GALNTL6: variants seen among roughly 807,000 people sequenced by gnomAD.
GALNTL6 encodes the protein polypeptide N-acetylgalactosaminyltransferase-like 6.
In GALNTL6, 46 loss-of-function variants were observed where a neutral mutation model predicts 73.7. The observed-to-expected ratio is 0.62, with a 90% CI of 0.49 to 0.80. GALNTL6 has a LOEUF of 0.80. GALNTL6 is among the 30% of genes least tolerant of loss of function. The pLI, the probability that GALNTL6 is intolerant of heterozygous loss-of-function variation, is 0.00. For missense variants in GALNTL6, 604 were observed against 755.0 expected, an observed-to-expected ratio of 0.80 and a Z score of 2.34; for synonymous variants, 259 against 263.7, an observed-to-expected ratio of 0.98 and a Z score of 0.17.
intron 5 of GALNTL6, among the ~76,000 whole-genome samples, chr4:172,369,117 C>T (rs1467601372): frequency 6.6e-6 from 1 of 152,122 alleles, no homozygotes; most frequent in Non-Finnish European, 1.5e-5. Context: ...TTGGTCCATT[C>T]TACAGAGAGC....
At chr4:171,874,828 G>A (rs1736230863) in intron 2 of GALNTL6, among the ~76,000 whole-genome samples, 1 of 152,172 alleles carries the variant, frequency 6.6e-6, no homozygotes, top group South Asian at 2.1e-4. Context: ...AAATATCACA[G>A]ACCCTAACCT....
intron 5 of GALNTL6, among the ~76,000 whole-genome samples, chr4:172,712,361 A>T (rs10002201): frequency 6.4e-4 from 97 of 152,232 alleles, no homozygotes; most frequent in African/African-American, 2.2e-3. Flanking sequence ...TTACGTATGT[A>T]TACATGTGCC....
intron 2 of GALNTL6, among the ~76,000 whole-genome samples, chr4:172,103,950 T>TC (rs907293154): frequency 4.9e-4 from 26 of 53,170 alleles, no homozygotes; most frequent in South Asian, 1.4e-3. Context: ...TCTTTTTCTC[T>TC]TTTTTTTTTT....
rs1488549301 is a variant in GALNTL6, at chr4:172,641,862, A to T, written c.554-167499A>T. Among the ~76,000 whole-genome samples the T allele has an allele frequency of 3.3e-5, 5 of 152,046 alleles. No homozygotes were observed. The East Asian group carries it at 9.7e-4, about 29-fold the overall frequency. ...TTCCTAAGGAAGTGTCCAGGACTTT[A>T]TAGGTGCTCTTTAAATAGCAAGAAA... On this transcript the variant is annotated intron_variant, in intron 5 of 12. Coordinates refer to ENST00000506823, the MANE Select transcript of GALNTL6 (RefSeq NM_001034845.3).
In GALNTL6 at chr4:172,426,055, C is replaced by T. The variant is rs149463611; in HGVS notation, c.553+77366C>T. On this transcript the variant is annotated intron_variant, in intron 5 of 12. Coordinates refer to ENST00000506823, the MANE Select transcript of GALNTL6 (RefSeq NM_001034845.3). ...AGGAGCATGAGGATTTTATATTTAT[C>T]ACATGGTGGCATGTGTTTTCAGACA... Among the ~76,000 whole-genome samples the T allele has an allele frequency of 6.5e-3, 991 of 152,086 alleles. 6 individuals carry two copies. Among genetic ancestry groups the T allele is most frequent in the South Asian group, 0.037 (177 of 4,816 alleles).
chr4:172,789,659 A>AT (rs959872591), intron 5 of GALNTL6, among the ~76,000 whole-genome samples: 18 of 152,306 alleles, frequency 1.2e-4, no homozygotes, highest in African/African-American at 4.3e-4. Flanking sequence ...TCAGCTATCC[A>AT]AAAGCTTCCA....
chr4:172,053,802 T>C (rs2011253569), intron 2 of GALNTL6, among the ~76,000 whole-genome samples: 1 of 151,998 alleles, frequency 6.6e-6, no homozygotes, highest in Middle Eastern at 3.2e-3. Context: ...ACATGGACCT[T>C]TTTTTTACAT....
chr4:172,734,482 GC>G (rs1337615244), intron 5 of GALNTL6, among the ~76,000 whole-genome samples: 1 of 152,054 alleles, frequency 6.6e-6, no homozygotes, highest in African/African-American at 2.4e-5. Flanking sequence ...GGGGTTACAG[GC>G]CCCATACAAA....
intron 5 of GALNTL6, among the ~76,000 whole-genome samples, chr4:172,656,576 T>A (rs566340874): frequency 6.6e-6 from 1 of 152,184 alleles, no homozygotes; most frequent in African/African-American, 2.4e-5. Flanking sequence ...TCTTTACCCA[T>A]GTATGCAATG....
rs932253812 is a variant in GALNTL6, at chr4:171,988,166, C to G, written c.138+173448C>G. 5.9e-5 allele frequency among the ~76,000 whole-genome samples: 9 copies of G among 152,268 alleles called. No individual in the cohort carries two copies. In the East Asian group the frequency reaches 7.7e-4, roughly 13 times the overall value. On this transcript the variant is annotated intron_variant, in intron 2 of 12. Coordinates refer to ENST00000506823, the MANE Select transcript of GALNTL6 (RefSeq NM_001034845.3). ...AAAACAGTAGGTCAAGTTGTTTGGACAGAAAGGCTACAGGGTGCAGTCCTG... is the reference window on the plus strand; with the variant it reads ...AAAACAGTAGGTCAAGTTGTTTGGAGAGAAAGGCTACAGGGTGCAGTCCTG...
intron 5 of GALNTL6, among the ~76,000 whole-genome samples, chr4:172,645,434 A>G (rs1740197423): frequency 6.6e-6 from 1 of 151,976 alleles, no homozygotes; most frequent in African/African-American, 2.4e-5. Flanking sequence ...ATCCAGGAAC[A>G]TGTATTGAGA....
chr4:171,975,930 ATT>A (rs35300230), intron 2 of GALNTL6, among the ~76,000 whole-genome samples: 4 of 151,580 alleles, frequency 2.6e-5, no homozygotes, highest in South Asian at 4.2e-4. Flanking sequence ...TACAAGCGGC[ATT>A]TTTTTTTAAG....
chr4:172,414,686 T>A (rs1744560624), intron 5 of GALNTL6, among the ~76,000 whole-genome samples: 1 of 152,158 alleles, frequency 6.6e-6, no homozygotes, highest in Non-Finnish European at 1.5e-5. Context: ...TTCCTAGAAG[T>A]TCTTGAATCT....
chr4:172,960,453 G>A (rs1039750168), intron 10 of GALNTL6, among the ~76,000 whole-genome samples: 1 of 152,188 alleles, frequency 6.6e-6, no homozygotes, highest in Non-Finnish European at 1.5e-5. Flanking sequence ...ACCTGGCTCA[G>A]CCTGGCGAGG....
intron 10 of GALNTL6, among the ~76,000 whole-genome samples, chr4:172,977,546 C>A (rs1274034850): frequency 1.3e-5 from 2 of 152,102 alleles, no homozygotes; most frequent in Non-Finnish European, 2.9e-5. Context: ...GAAGATGCAG[C>A]ATAGAGCAAT....
chr4:172,090,887 G>A (rs376344662), intron 2 of GALNTL6, among the ~76,000 whole-genome samples: 25 of 152,074 alleles, frequency 1.6e-4, no homozygotes, highest in African/African-American at 5.1e-4. Flanking sequence ...TGTAACGAAT[G>A]GGTCCAGTTT....
intron 5 of GALNTL6, among the ~76,000 whole-genome samples, chr4:172,450,014 A>G (rs1055450929): frequency 6.6e-6 from 1 of 151,956 alleles, no homozygotes; most frequent in African/African-American, 2.4e-5. Context: ...GGCTGGGAGT[A>G]TGAGACCAAC....
intron 2 of GALNTL6, among the ~76,000 whole-genome samples, chr4:171,853,012 A>ATTCTTT (rs1553964539): frequency 3.5e-5 from 3 of 86,870 alleles, no homozygotes; most frequent in African/African-American, 4.7e-5. Flanking sequence ...CGCCCGGCTA[A>ATTCTTT]TTTTTTTTTT....
At chr4:172,891,315 C>T (rs369475661) in intron 8 of GALNTL6, among the ~76,000 whole-genome samples, 2 of 152,122 alleles carry the variant, frequency 1.3e-5, no homozygotes, top group African/African-American at 4.8e-5. Flanking sequence ...TTTTTCATTT[C>T]CTTGTTTAGA....
Sources: gnomAD v4.1 joint callset for allele counts (sites outside exome capture counted in the v4.1 genomes callset) on GRCh38, gnomAD v4.1.1 for gene constraint, MANE v1.5 for transcripts, NCBI Gene and HGNC (gene_info 2026-07-23, HGNC 2026-07-21) for gene names.